The following TPR variants were observed in gnomAD, a reference collection of about 807,000 sequenced individuals.
TPR encodes the protein nucleoprotein TPR.
In TPR, 51 loss-of-function variants were observed where a neutral mutation model predicts 316.1. The ratio of observed to expected loss-of-function variants is 0.16; its 90% CI spans 0.13 to 0.20. The LOEUF (loss-of-function observed/expected upper bound fraction) is 0.20. TPR is among the 10% of genes least tolerant of loss of function. The pLI is 1.00. For synonymous variants in TPR, 981 were observed against 914.7 expected, an observed-to-expected ratio of 1.07 and a Z score of -1.31; for missense variants, 2,272 against 2,754.8, an observed-to-expected ratio of 0.82 and a Z score of 3.92.
At chr1:186,363,043 T>C (rs745781126) in intron 5 of TPR, 42 bp from the exon 6 acceptor site, 34 of 1,549,312 alleles carry the variant, frequency 2.2e-5, no homozygotes, top group African/African-American at 2.8e-5. Context: ...TTAAAGATGA[T>C]ATATGATTAT....
intron 37 of TPR, 145 bp downstream of exon 37, chr1:186,332,977 G>C: frequency 1.1e-6 from 1 of 912,806 alleles, no homozygotes; most frequent in East Asian, 2.7e-5. Context: ...CTTGTGATAC[G>C]TATTATATCC....
Position 186,360,802 on chromosome 1 carries a change from C to T in TPR, c.1062G>A (p.Glu354=), listed in dbSNP as rs1659163040. The T allele has an allele frequency of 6.2e-7, 1 of 1,613,008 alleles. No individual in the cohort carries two copies. Among genetic ancestry groups the T allele is most frequent in the Non-Finnish European group, 8.5e-7 (1 of 1,179,288 alleles). Reference sequence around the variant, plus strand: ...TGGCAGAAAGAAGGTCATTTGCATTCTCTAATTCCTTCTCCAATCTCCCTA... The same window carrying T: ...TGGCAGAAAGAAGGTCATTTGCATTTTCTAATTCCTTCTCCAATCTCCCTA... ...EKIGRLEKEL[E]NANDLLSATK... Residue 354 remains glutamate, a synonymous_variant, in exon 10 of 51, where the codon GAG becomes GAA. Transcript: ENST00000367478.
intron 36 of TPR, 84 bp from the exon 37 acceptor site, chr1:186,333,478 AC>A: frequency 6.6e-7 from 1 of 1,516,720 alleles, no homozygotes; most frequent in Non-Finnish European, 8.9e-7. Flanking sequence ...GGTACATGTC[AC>A]CTTTCACACA....
rs749850312 is a variant in TPR at position 186,327,586 on chromosome 1, C to T, written c.5763G>A (p.Gly1921=). 5 of 1,612,518 alleles carry T rather than the reference C, an allele frequency of 3.1e-6. No homozygotes were observed. In the South Asian group the frequency reaches 5.5e-5, roughly 18 times the overall value. The part of the protein sequence containing the change: ...ETSQSLQIDL[G]PLQSDQQTTT... ...TCGTCTGCTGATCTGATTGAAGTGGCCCAAGATCTATTTGTAGAGACTGAG... is the reference window on the plus strand; with the variant it reads ...TCGTCTGCTGATCTGATTGAAGTGGTCCAAGATCTATTTGTAGAGACTGAG... Residue 1921 remains glycine (G), a synonymous_variant, in exon 40 of 51, where the codon GGG becomes GGA. Coordinates refer to ENST00000367478, the MANE Select transcript of TPR (RefSeq NM_003292.3).
intron 25 of TPR, 132 bp from the exon 26 acceptor site, chr1:186,344,222 C>T: frequency 7.3e-7 from 1 of 1,367,544 alleles, no homozygotes; most frequent in Non-Finnish European, 9.8e-7. Context: ...ATTGCTTGAA[C>T]CCAGCAGGTG....
At chr1:186,327,969 G>C (rs1658051175) in intron 39 of TPR, among the ~76,000 whole-genome samples, 1 of 151,960 alleles carries the variant, frequency 6.6e-6, no homozygotes, top group Non-Finnish European at 1.5e-5. Flanking sequence ...ATTTTTATTA[G>C]AGACAGGGTT....
chr1:186,334,284 C>T, intron 36 of TPR, 41 bp downstream of exon 36: 1 of 1,521,372 alleles, frequency 6.6e-7, no homozygotes, highest in African/African-American at 1.4e-5. Context: ...CATAATAAAT[C>T]TAAATAAGCA....
chr1:186,367,737 T>C lies in TPR; in HGVS notation c.427+149A>G, dbSNP rs970953550. 3.7e-5 allele frequency: 19 copies of C among 510,154 alleles called. No homozygotes were observed. In the East Asian group the frequency reaches 5.3e-4, roughly 14 times the overall value. The allele number at this position is 510,154 out of a possible 1,614,324, so 31.6% of individuals were successfully genotyped here. On this transcript the variant is annotated intron_variant, in intron 4 of 50. Coordinates refer to ENST00000367478, the MANE Select transcript of TPR (RefSeq NM_003292.3). The stretch of plus-strand genomic sequence containing the variant: ...CACTTGACAATGATTTAAAGATAAA[T>C]GAGTAGGAGAAATAATAGGATATGA...
chr1:186,348,384 C>T lies in TPR; in HGVS notation c.2777-926G>A, dbSNP rs147982519. 6.5e-3 allele frequency among the ~76,000 whole-genome samples: 988 copies of T among 152,160 alleles called. 13 individuals carry two copies. The highest frequency in any genetic ancestry group is 0.021 in the African/African-American group (877 of 41,500). ...AGCCCTGGTAAATTTGTGGTCAGAC[C>T]GGTTCTCTGCTCTGGAACCCTGTTT... On this transcript the variant is annotated intron_variant, in intron 21 of 50. Coordinates refer to ENST00000367478, the MANE Select transcript of TPR (RefSeq NM_003292.3).
chr1:186,369,340 T>C (rs1411429209), intron 3 of TPR, among the ~76,000 whole-genome samples: 1 of 152,280 alleles, frequency 6.6e-6, no homozygotes, highest in Non-Finnish European at 1.5e-5. Flanking sequence ...TTTACCACTT[T>C]ATAGTGTGGA....
intron 39 of TPR, among the ~76,000 whole-genome samples, chr1:186,328,923 C>A (rs1658076069): frequency 6.6e-6 from 1 of 152,092 alleles, no homozygotes; most frequent in Non-Finnish European, 1.5e-5. Context: ...ATTTTTTATA[C>A]AAGCTAGCAA....
At chr1:186,342,014 G>C (rs1165598394) in intron 27 of TPR, 1 of 151,754 alleles carries the variant, frequency 6.6e-6, no homozygotes, top group Non-Finnish European at 1.5e-5. Flanking sequence ...CTGTCGCCCA[G>C]ACTGGAGTCC....
At chr1:186,333,717 A>G (rs149736050) in intron 36 of TPR, among the ~76,000 whole-genome samples, 3 of 152,182 alleles carry the variant, frequency 2.0e-5, no homozygotes, top group African/African-American at 7.2e-5. Flanking sequence ...TTAGTTTTTA[A>G]TTGATATAAC....
At chr1:186,355,896 T>C (rs755868575) in intron 15 of TPR, 128 bp from the exon 16 acceptor site, 63 of 1,140,486 alleles carry the variant, frequency 5.5e-5, no homozygotes, top group Non-Finnish European at 7.5e-5. Flanking sequence ...AACAATAAGA[T>C]TATAGGAGTT....
At chr1:186,358,803 T>C (rs1342272648) in intron 12 of TPR, among the ~76,000 whole-genome samples, 153 bp from the exon 13 acceptor site, 2 of 152,180 alleles carry the variant, frequency 1.3e-5, no homozygotes, top group African/African-American at 4.8e-5. Context: ...AGAAGTTTTG[T>C]ATAAATTTGA....
chr1:186,322,790 A>C (rs997272238), intron 43 of TPR: 8 of 550,166 alleles, frequency 1.5e-5, no homozygotes, highest in Non-Finnish European at 2.6e-5. Context: ...ATTAACCAAT[A>C]AAAATCATTC....
chr1:186,348,181 T>G (rs1658738393), intron 21 of TPR, among the ~76,000 whole-genome samples: 2 of 152,134 alleles, frequency 1.3e-5, no homozygotes, highest in African/African-American at 2.4e-5. Flanking sequence ...GTAGGAGAGA[T>G]ATCGCTAAAT....
chr1:186,316,933 T>G (rs1337494719), intron 49 of TPR, among the ~76,000 whole-genome samples: 1 of 152,222 alleles, frequency 6.6e-6, no homozygotes, highest in Non-Finnish European at 1.5e-5. Flanking sequence ...TTTTTCAAAA[T>G]AACTTCAAAA....
Position 186,323,865 on chromosome 1 carries a change from C to T in TPR, c.6118G>A (p.Gly2040Arg), listed in dbSNP as rs775160699. The change falls in exon 43 of 51, where the codon GGA becomes AGA. Residue 2040 changes from glycine to arginine, a missense_variant. This residue lies in a region of TPR where 435 missense variants were observed against 461.1 expected (regional missense o/e 0.94). Transcript: ENST00000367478. ...RAADSQNSGEGNTGAAESSFS... is the reference protein window; with the variant it reads ...RAADSQNSGERNTGAAESSFS... The stretch of plus-strand genomic sequence containing the variant: ...GAAGATTCTGCAGCACCTGTATTTC[C>T]TTCACCTGTAGGAAAAGAGAAATTT... The T allele has an allele frequency of 6.5e-7, 1 of 1,537,842 alleles. No individual in the cohort carries two copies. The highest frequency in any genetic ancestry group is 8.7e-7 in the Non-Finnish European group (1 of 1,153,632).
Sources: allele counts gnomAD v4.1 joint callset (sites outside exome capture counted in the v4.1 genomes callset), GRCh38; gene constraint gnomAD v4.1.1; regional missense constraint gnomAD v4.1.1; transcripts MANE v1.5; gene names NCBI Gene and HGNC (gene_info 2026-07-23, HGNC 2026-07-21).